Variants in KCNN1 observed in about 807,000 individuals in gnomAD.
KCNN1 encodes the protein small conductance calcium-activated potassium channel protein 1.
Under a neutral mutation model 44.7 loss-of-function variants are expected in KCNN1, and 20 were observed. That is an observed-to-expected ratio of 0.45 (90% CI 0.32 to 0.65). The LOEUF (loss-of-function observed/expected upper bound fraction) is 0.65, where lower values mean the gene tolerates loss of function less well. Ranked by LOEUF, KCNN1 falls within the 30% of genes least tolerant of loss-of-function variation. The pLI is 0.05. For missense variants in KCNN1, 632 were observed against 785.3 expected, an observed-to-expected ratio of 0.80 and a Z score of 2.33; for synonymous variants, 324 against 341.7, an observed-to-expected ratio of 0.95 and a Z score of 0.57.
chr19:17,976,086 C>T (rs951385416), intron 3 of KCNN1, among the ~76,000 whole-genome samples: 7 of 152,096 alleles, frequency 4.6e-5, no homozygotes, highest in Non-Finnish European at 1.0e-4. Context: ...GAGGCCAAGG[C>T]GGGTGGATCA....
intron 9 of KCNN1, among the ~76,000 whole-genome samples, chr19:17,994,590 C>A (rs1320868495): frequency 1.3e-5 from 2 of 152,010 alleles, no homozygotes; most frequent in African/African-American, 4.8e-5. Context: ...GTCACCCAGG[C>A]TGGAGTGCAG....
Position 17,993,150 on chromosome 19 carries a change from C to T in KCNN1, c.1307+88C>T. The T allele has an allele frequency of 6.6e-7, 1 of 1,514,402 alleles. No homozygotes were observed. The highest frequency in any genetic ancestry group is 9.1e-7 in the Non-Finnish European group (1 of 1,095,046). The allele number at this position is 1,514,402 out of a possible 1,614,324, so 93.8% of individuals were successfully genotyped here. A position where few individuals can be genotyped will look rare whatever the true frequency, so the allele number is the denominator to read the frequency against. On this transcript the variant is annotated intron_variant, in intron 8 of 9. Coordinates refer to ENST00000684775, the MANE Select transcript of KCNN1 (RefSeq NM_001386974.1). The surrounding 1 kb of genome is among the most constrained non-coding windows in gnomAD (Gnocchi z 4.5). ...AGGGGGTACACCCGGGGCATGCCAA[C>T]CCCAGCCTCAGAGGCGGGCAGGGTT...
At chr19:17,995,594 T>G (rs1343025365) in intron 9 of KCNN1, among the ~76,000 whole-genome samples, 1 of 151,790 alleles carries the variant, frequency 6.6e-6, no homozygotes, top group Non-Finnish European at 1.5e-5. Context: ...TAACTTCTTT[T>G]TTTCTTTTTG....
intron 5 of KCNN1, 27 bp downstream of exon 5, chr19:17,985,480 T>G: frequency 6.6e-7 from 1 of 1,520,684 alleles, no homozygotes; most frequent in Non-Finnish European, 8.9e-7. Flanking sequence ...ATGTGTATGA[T>G]CCTGGGAGGT....
chr19:17,974,136 C>G lies in KCNN1; in HGVS notation c.248C>G (p.Ser83Trp), dbSNP rs528713817. The change falls in exon 2 of 10, where the codon TCG becomes TGG. Residue 83 changes from serine to tryptophan, a missense_variant. By Grantham distance (177) the Ser-to-Trp change is radical (BLOSUM62 -3). Around this residue, in one of 3 missense-constraint regions of KCNN1, gnomAD observed 235 missense variants for 224.0 expected, o/e 1.05. Coordinates refer to ENST00000684775, the MANE Select transcript of KCNN1 (RefSeq NM_001386974.1). This position sits in a 1 kb window ranked among gnomAD's most constrained non-coding sequence, Gnocchi z 7.3. ...EEDEAGRQRA[S>W]GKPSNVGHRL... Reference sequence around the variant, plus strand: ...GATGAGGCCGGCAGGCAGAGAGCCTCGGGGAAACCCTCAAATGTGGGCCAC... The same window carrying G: ...GATGAGGCCGGCAGGCAGAGAGCCTGGGGGAAACCCTCAAATGTGGGCCAC... 1.9e-6 allele frequency: 3 copies of G among 1,613,248 alleles called. No individual in the cohort carries two copies. The Admixed American group carries it at 5.0e-5, about 27-fold the overall frequency.
chr19:17,984,024 A>G (rs904050656), intron 4 of KCNN1, among the ~76,000 whole-genome samples: 1 of 151,882 alleles, frequency 6.6e-6, no homozygotes, highest in African/African-American at 2.4e-5. Flanking sequence ...TTAGATGGGC[A>G]TGGTGGCGGG....
chr19:17,969,360 C>T (rs2031930482), intron 1 of KCNN1, among the ~76,000 whole-genome samples: 2 of 152,144 alleles, frequency 1.3e-5, no homozygotes, highest in Admixed American at 6.5e-5. Context: ...CTCTGTCTCC[C>T]GTCTGTAAAA....
At chr19:17,984,733 C>G (rs537147166) in intron 4 of KCNN1, among the ~76,000 whole-genome samples, 1 of 152,252 alleles carries the variant, frequency 6.6e-6, no homozygotes, top group Admixed American at 6.5e-5. Context: ...CCCTGGGTCC[C>G]AAATATAGCC....
At position 17,993,104 on chromosome 19, in the gene KCNN1, G is replaced by C. The variant is rs1471415535; in HGVS notation, c.1307+42G>C. ...GGGCTTGGTGGGGCTGGGAAATCGG[G>C]GGTGCATGGTGGTCACAGACAGGGG... On this transcript the variant is annotated intron_variant, in intron 8 of 9. Coordinates refer to ENST00000684775, the MANE Select transcript of KCNN1 (RefSeq NM_001386974.1). The surrounding 1 kb of genome is among the most constrained non-coding windows in gnomAD (Gnocchi z 4.5). 6.2e-7 allele frequency: 1 copy of C among 1,612,948 alleles called. No homozygotes were observed. The highest frequency in any genetic ancestry group is 1.7e-5 in the Admixed American group (1 of 59,882).
chr19:17,955,003 A>G (rs1346308587), intron 2 of KCNN1, among the ~76,000 whole-genome samples: 1 of 147,240 alleles, frequency 6.8e-6, no homozygotes, highest in Non-Finnish European at 1.5e-5. Flanking sequence ...GCGCCACTGC[A>G]CTCCAGCCTG....
chr19:17,970,289 A>ATTTTTTTTTTTTTT, intron 1 of KCNN1, among the ~76,000 whole-genome samples: 1 of 56,864 alleles, frequency 1.8e-5, no homozygotes, highest in Non-Finnish European at 3.1e-5. Flanking sequence ...AGAAGGAATG[A>ATTTTTTTTTTTTTT]TTTTTTTTTT....
At chr19:17,975,810 G>C (rs1025141961) in intron 3 of KCNN1, among the ~76,000 whole-genome samples, 7 of 152,068 alleles carry the variant, frequency 4.6e-5, no homozygotes, top group African/African-American at 7.2e-5. Context: ...TTGTGTTCAA[G>C]AGATTTTCCT....
At chr19:17,992,073 C>T (rs973396186) in intron 7 of KCNN1, among the ~76,000 whole-genome samples, 7 of 152,198 alleles carry the variant, frequency 4.6e-5, no homozygotes, top group Non-Finnish European at 8.8e-5. Flanking sequence ...GTAATCCCAG[C>T]ACTTTGGGAG....
chr19:17,979,555 C>T (rs1044034121), intron 3 of KCNN1, among the ~76,000 whole-genome samples: 10 of 151,268 alleles, frequency 6.6e-5, no homozygotes, highest in Non-Finnish European at 1.2e-4. Flanking sequence ...GGCGTGGCTG[C>T]ATTCCTGATG....
intron 3 of KCNN1, among the ~76,000 whole-genome samples, chr19:17,977,752 C>T (rs1352637982): frequency 6.6e-6 from 1 of 152,078 alleles, no homozygotes; most frequent in African/African-American, 2.4e-5. Flanking sequence ...AGAGCACATT[C>T]AGAGGTACTA....
At chr19:17,953,807 G>A (rs969839513) in intron 1 of KCNN1, among the ~76,000 whole-genome samples, 1 of 152,206 alleles carries the variant, frequency 6.6e-6, no homozygotes, top group African/African-American at 2.4e-5. Context: ...GTGCACACTT[G>A]TAGTCCAAGC....
At chr19:17,989,292 T>C (rs1417202688) in intron 6 of KCNN1, among the ~76,000 whole-genome samples, 2 of 152,090 alleles carry the variant, frequency 1.3e-5, no homozygotes, top group Non-Finnish European at 2.9e-5. Context: ...ACCCCATCTC[T>C]AGTAAAAATA....
rs957442765 is a variant in KCNN1, at chr19:17,974,613, C to T, written c.402+323C>T. ...TGGGGAGCAACAGAAGATCTTCCTC[C>T]CCTTCCGAGAGTGAGTGCGTCCAGG... On this transcript the variant is annotated intron_variant, in intron 2 of 9. Transcript: ENST00000684775. The surrounding 1 kb of genome is among the most constrained non-coding windows in gnomAD (Gnocchi z 7.3). Among the ~76,000 whole-genome samples the T allele has an allele frequency of 2.0e-5, 3 of 152,188 alleles. No homozygotes were observed. The highest frequency in any genetic ancestry group is 6.5e-5 in the Admixed American group (1 of 15,276).
At chr19:17,965,918 T>C (rs1284564836), upstream of KCNN1, among the ~76,000 whole-genome samples, 1 of 152,040 alleles carries the variant, frequency 6.6e-6, no homozygotes, top group Non-Finnish European at 1.5e-5. Context: ...AAAGGTCCTG[T>C]CTGAGACTCT....
Sources: allele counts gnomAD v4.1 joint callset (sites outside exome capture counted in the v4.1 genomes callset), GRCh38; gene constraint gnomAD v4.1.1; regional missense constraint gnomAD v4.1.1; non-coding constraint Gnocchi (gnomAD v3.1); transcripts MANE v1.5; gene names NCBI Gene and HGNC (gene_info 2026-07-23, HGNC 2026-07-21).